ALDH1A1: variants seen among roughly 807,000 people sequenced by gnomAD.
ALDH1A1 encodes the protein aldehyde dehydrogenase 1 family member A1.
A neutral mutation model predicts 62.1 loss-of-function variants in ALDH1A1; 19 were observed. The ratio of observed to expected loss-of-function variants is 0.31; its 90% CI spans 0.21 to 0.45. The LOEUF is 0.45. Ranked by LOEUF, ALDH1A1 falls within the 20% of genes least tolerant of loss-of-function variation. The pLI is 1.00. For synonymous variants in ALDH1A1, 231 were observed against 215.9 expected, an observed-to-expected ratio of 1.07 and a Z score of -0.61; for missense variants, 521 against 607.1, an observed-to-expected ratio of 0.86 and a Z score of 1.49.
chr9:72,903,127 T>A (rs1829828616), intron 12 of ALDH1A1, among the ~76,000 whole-genome samples: 1 of 152,064 alleles, frequency 6.6e-6, no homozygotes, highest in African/African-American at 2.4e-5. Context: ...ATACGACCAT[T>A]AGTTTACACT....
chr9:72,926,807 C>T (rs8187926), intron 5 of ALDH1A1, among the ~76,000 whole-genome samples: 303 of 152,328 alleles, frequency 2.0e-3, no homozygotes, highest in African/African-American at 6.9e-3. Context: ...ACATGTAAAG[C>T]TTGGCTCTTA....
intron 11 of ALDH1A1, among the ~76,000 whole-genome samples, chr9:72,908,395 A>T (rs1418829728): frequency 8.0e-6 from 1 of 124,568 alleles, no homozygotes; most frequent in African/African-American, 3.0e-5. Context: ...AGATCGCACC[A>T]TTGCACTCCA....
At chr9:72,927,983 C>A (rs1030470573) in intron 4 of ALDH1A1, among the ~76,000 whole-genome samples, 1 of 150,514 alleles carries the variant, frequency 6.6e-6, no homozygotes, top group African/African-American at 2.4e-5. Context: ...AGCAAGGACT[C>A]TCTTCATCAA....
In ALDH1A1 at chr9:72,924,141, T is replaced by C. The variant is rs1292678738; in HGVS notation, c.634-9A>G. 2 of 1,577,116 alleles carry C rather than the reference T, an allele frequency of 1.3e-6. No homozygotes were observed. Among genetic ancestry groups the C allele is most frequent in the East Asian group, 4.5e-5 (2 of 44,468 alleles). On this transcript the variant is annotated splice_polypyrimidine_tract_variant and intron_variant, in intron 6 of 12. Transcript: ENST00000297785. ...CCAGGAGGAAACCCTGCCTAAAAGATAAAAAGTTTAAAAGTTACAGTATAA... is the reference window on the plus strand; with the variant it reads ...CCAGGAGGAAACCCTGCCTAAAAGACAAAAAGTTTAAAAGTTACAGTATAA...
rs752631003 is a variant in ALDH1A1, at chr9:72,911,993, T to C, written c.1165A>G (p.Asn389Asp). 38 of 1,613,852 alleles carry C rather than the reference T, an allele frequency of 2.4e-5. No homozygotes were observed. The highest frequency in any genetic ancestry group is 9.9e-5 in the South Asian group (9 of 91,072). ...GYFVQPTVFSNVTDEMRIAKE... is the reference protein window; with the variant it reads ...GYFVQPTVFSDVTDEMRIAKE... Reference sequence around the variant, plus strand: ...GCAATGCGCATCTCATCTGTAACATTAGAGAACACTGTGGGCTGGACAAAG... The same window carrying C: ...GCAATGCGCATCTCATCTGTAACATCAGAGAACACTGTGGGCTGGACAAAG... Residue 389 changes from asparagine (N) to aspartate (D), a missense_variant, in exon 10 of 13, where the codon AAT (asparagine) becomes GAT (aspartate). By Grantham distance (23) the Asn-to-Asp change is conservative. Coordinates refer to ENST00000297785, the MANE Select transcript of ALDH1A1 (RefSeq NM_000689.5).
At position 72,911,952 on chromosome 9, in the gene ALDH1A1, A is replaced by G. The variant is rs373206952; in HGVS notation, c.1200+6T>C. 8.1e-6 allele frequency: 13 copies of G among 1,613,858 alleles called. No individual in the cohort carries two copies. The Middle Eastern group carries it at 8.3e-4, about 102-fold the overall frequency. On this transcript the variant is annotated splice_donor_region_variant and intron_variant, in intron 10 of 12. Transcript: ENST00000297785. ...AAAAAGAACAGAACAGAATGAAGCC[A>G]TTTACCTCCTCTTTGGCAATGCGCA...
rs773657141 is a variant in ALDH1A1 at position 72,953,010 on chromosome 9, G to A, written c.-10C>T. On this transcript the variant is annotated 5_prime_UTR_variant, in exon 1 of 13. Coordinates refer to ENST00000297785, the MANE Select transcript of ALDH1A1 (RefSeq NM_000689.5). ...TGCCTGAGGATGACATTTCTGATTC[G>A]GCTCCTGGAACACAGGTGACTGGCT... The A allele has an allele frequency of 6.8e-6, 11 of 1,612,814 alleles. No homozygotes were observed. In the East Asian group the frequency reaches 2.2e-4, roughly 33 times the overall value.
chr9:72,944,784 T>A (rs750515271), intron 1 of ALDH1A1, among the ~76,000 whole-genome samples: 2 of 152,142 alleles, frequency 1.3e-5, no homozygotes, highest in Non-Finnish European at 2.9e-5. Flanking sequence ...TTAACTCAAT[T>A]CTAATTATGA....
At chr9:72,939,085 G>GC (rs1465614461) in intron 2 of ALDH1A1, among the ~76,000 whole-genome samples, 4 of 152,062 alleles carry the variant, frequency 2.6e-5, no homozygotes, top group Admixed American at 2.6e-4. Flanking sequence ...TGAAGCAGTA[G>GC]CCCTACTAGG....
At chr9:72,912,995 T>A (rs1335097044) in intron 9 of ALDH1A1, among the ~76,000 whole-genome samples, 1 of 152,038 alleles carries the variant, frequency 6.6e-6, no homozygotes, top group Non-Finnish European at 1.5e-5. Flanking sequence ...CTATCTCAGG[T>A]GTAGCAGGGG....
At chr9:72,935,493 A>T (rs1830336585) in intron 2 of ALDH1A1, among the ~76,000 whole-genome samples, 2 of 152,218 alleles carry the variant, frequency 1.3e-5, no homozygotes. Context: ...ATTCATTCAG[A>T]GATGGAGAAA....
At chr9:72,912,175 A>G in intron 9 of ALDH1A1, 53 bp from the exon 10 acceptor site, 1 of 1,510,808 alleles carries the variant, frequency 6.6e-7, no homozygotes, top group Non-Finnish European at 9.1e-7. Flanking sequence ...TGTAAAGATA[A>G]CACATTGCTG....
At chr9:72,943,113 C>T (rs879816682) in intron 1 of ALDH1A1, among the ~76,000 whole-genome samples, 5 of 152,108 alleles carry the variant, frequency 3.3e-5, no homozygotes, top group Non-Finnish European at 7.4e-5. Flanking sequence ...GATTTTGTAC[C>T]TGTAAACTAA....
Position 72,909,658 on chromosome 9 carries a change from G to A in ALDH1A1, c.1302C>T (p.Thr434=). The change falls in exon 11 of 13, where the codon ACC becomes ACT. Residue 434 remains threonine (T), a synonymous_variant. Coordinates refer to ENST00000297785, the MANE Select transcript of ALDH1A1 (RefSeq NM_000689.5). ...TTGTTATGGCTTTATCAATGTCTTT[G>A]GTAAACACTCCTGCTGATAAGCCAT... is the stretch of plus-strand genomic sequence containing the variant. ...TFYGLSAGVF[T]KDIDKAITIS... is the part of the protein sequence containing the mutation. The A allele has an allele frequency of 6.2e-7, 1 of 1,613,866 alleles. No individual in the cohort carries two copies. The highest frequency in any genetic ancestry group is 1.1e-5 in the South Asian group (1 of 91,070).
intron 2 of ALDH1A1, among the ~76,000 whole-genome samples, chr9:72,935,503 A>G (rs1472264678): frequency 6.6e-6 from 1 of 152,206 alleles, no homozygotes; most frequent in Non-Finnish European, 1.5e-5. Flanking sequence ...AGATGGAGAA[A>G]ATAGTTATCA....
At chr9:72,911,360 G>A (rs1413013784) in intron 10 of ALDH1A1, among the ~76,000 whole-genome samples, 3 of 152,134 alleles carry the variant, frequency 2.0e-5, no homozygotes, top group African/African-American at 4.8e-5. Context: ...TATCTCTTTT[G>A]TGGTGAGAAC....
chr9:72,909,618 G>A lies in ALDH1A1; in HGVS notation c.1342C>T (p.Gln448Ter). ...TGGACTTACCACACTGTTCCTGCCT[G>A]CAGAGCAGAGGAGATTGTTATGGCT... ...DKAITISSAL[Q>*]AGTVWVNCYG... Residue 448 changes from glutamine to a stop codon, truncating the protein, a stop_gained, in exon 11 of 13, where the codon CAG becomes TAG. Transcript: ENST00000297785. LOFTEE classifies it high-confidence loss of function. 3 of 1,612,962 alleles carry A rather than the reference G, an allele frequency of 1.9e-6. No homozygotes were observed. The highest frequency in any genetic ancestry group is 2.5e-6 in the Non-Finnish European group (3 of 1,179,494).
chr9:72,925,697 A>G, intron 5 of ALDH1A1, 85 bp from the exon 6 acceptor site: 1 of 1,426,502 alleles, frequency 7.0e-7, no homozygotes, highest in Admixed American at 2.2e-5. Context: ...CACCCCCTGT[A>G]GATGTTATGT....
chr9:72,944,227 G>A (rs1378956138), intron 1 of ALDH1A1, among the ~76,000 whole-genome samples: 1 of 152,060 alleles, frequency 6.6e-6, no homozygotes, highest in Non-Finnish European at 1.5e-5. Context: ...CAGAGTCCAA[G>A]AAATTAGCCT....
Sources: allele counts gnomAD v4.1 joint callset (sites outside exome capture counted in the v4.1 genomes callset), GRCh38; gene constraint gnomAD v4.1.1; transcripts MANE v1.5; gene names NCBI Gene and HGNC (gene_info 2026-07-23, HGNC 2026-07-21).